Variants in GRM1 observed in about 807,000 individuals in gnomAD.
GRM1 encodes glutamate metabotropic receptor 1.
GRM1 carries 33 observed loss-of-function variants against 90.9 expected under a neutral mutation model. That is an observed-to-expected ratio of 0.36 (90% confidence interval 0.28 to 0.49). GRM1 has a LOEUF of 0.49. Among genes scored for constraint, GRM1 ranks in the 20% least tolerant of loss-of-function variants. The pLI, the probability that GRM1 is intolerant of heterozygous loss-of-function variation, is 0.99. For synonymous variants in GRM1, 700 were observed against 613.2 expected (o/e 1.14, Z -2.09); for missense variants, 1,190 against 1,534.3 (o/e 0.78, Z 3.75).
At chr6:146,185,750 T>A (rs1050955044) in intron 2 of GRM1, among the ~76,000 whole-genome samples, 2 of 152,174 alleles carry the variant, frequency 1.3e-5, no homozygotes, top group Non-Finnish European at 2.9e-5. Flanking sequence ...CCACAGTTCT[T>A]AAAATACATT....
At chr6:146,253,055 T>C (rs1361171812) in intron 2 of GRM1, among the ~76,000 whole-genome samples, 1 of 136,508 alleles carries the variant, frequency 7.3e-6, no homozygotes, top group African/African-American at 3.6e-5. Context: ...CGAATCTCCA[T>C]CTCAAAAAAA....
chr6:146,342,759 G>A (rs1785028264), intron 3 of GRM1, among the ~76,000 whole-genome samples: 1 of 152,196 alleles, frequency 6.6e-6, no homozygotes, highest in Non-Finnish European at 1.5e-5. Context: ...TCAGATGTTA[G>A]ACTAGTTCTT....
At chr6:146,201,739 G>A (rs540240028) in intron 2 of GRM1, among the ~76,000 whole-genome samples, 1 of 152,328 alleles carries the variant, frequency 6.6e-6, no homozygotes, top group African/African-American at 2.4e-5. Flanking sequence ...ATTTGAGACA[G>A]GCACTCTTAT....
At chr6:146,192,451 T>C (rs973971943) in intron 2 of GRM1, among the ~76,000 whole-genome samples, 4 of 152,190 alleles carry the variant, frequency 2.6e-5, no homozygotes, top group Non-Finnish European at 5.9e-5. Context: ...GTTCCTCATA[T>C]GTCAATTAGG....
chr6:146,256,479 T>C (rs1583230135), intron 2 of GRM1, among the ~76,000 whole-genome samples: 2 of 152,118 alleles, frequency 1.3e-5, no homozygotes, highest in East Asian at 3.9e-4. Flanking sequence ...TCCTTCCATC[T>C]TCCTTTTTCT....
At chr6:146,405,816 T>C (rs957751693) in intron 7 of GRM1, among the ~76,000 whole-genome samples, 1 of 152,144 alleles carries the variant, frequency 6.6e-6, no homozygotes, top group Non-Finnish European at 1.5e-5. Context: ...ACATTCTCTA[T>C]TAGGGCTTCA....
At chr6:146,402,957 G>A (rs1160052651) in intron 7 of GRM1, among the ~76,000 whole-genome samples, 2 of 152,030 alleles carry the variant, frequency 1.3e-5, no homozygotes, top group African/African-American at 4.8e-5. Flanking sequence ...GTCCCTTCAG[G>A]CATACTTGTA....
intron 1 of GRM1, among the ~76,000 whole-genome samples, chr6:146,103,881 A>G (rs1019349710): frequency 6.6e-6 from 1 of 152,168 alleles, no homozygotes; most frequent in African/African-American, 2.4e-5. Context: ...GGATTGCACA[A>G]TGCGCTTAGG....
chr6:146,358,438 G>A (rs1170664398), intron 5 of GRM1, among the ~76,000 whole-genome samples: 2 of 152,180 alleles, frequency 1.3e-5, no homozygotes, highest in African/African-American at 2.4e-5. Context: ...ATTGTGAATG[G>A]CAGGGTATGG....
rs1387338195 is a variant in GRM1 at position 146,119,249 on chromosome 6, G to A, written c.701-40099G>A. Among the ~76,000 whole-genome samples, 6 of 152,326 alleles carry A rather than the reference G, an allele frequency of 3.9e-5. No homozygotes were observed. The East Asian group carries it at 1.2e-3, about 29-fold the overall frequency. ...CTGCATAAATGTCTTCTTTTGAGAAGTGTCTGTTCATATCCTTTGCCCACT... is the reference window on the plus strand; with the variant it reads ...CTGCATAAATGTCTTCTTTTGAGAAATGTCTGTTCATATCCTTTGCCCACT... On this transcript the variant is annotated intron_variant, in intron 1 of 7. Coordinates refer to ENST00000282753, the MANE Select transcript of GRM1 (RefSeq NM_001278064.2).
At position 146,423,886 on chromosome 6, in the gene GRM1, C is replaced by T. The variant is rs1317809230; in HGVS notation, c.2661-9986C>T. Among the ~76,000 whole-genome samples, 4 of 152,178 alleles carry T rather than the reference C, an allele frequency of 2.6e-5. No individual in the cohort carries two copies. In the South Asian group the frequency reaches 6.2e-4, roughly 24 times the overall value. Reference sequence around the variant, plus strand: ...CAGAGGTAAAGTGTTAAAGGTACTACATTATAAAGCCACAGCTTCTCTTGA... The same window carrying T: ...CAGAGGTAAAGTGTTAAAGGTACTATATTATAAAGCCACAGCTTCTCTTGA... On this transcript the variant is annotated intron_variant, in intron 7 of 7. Coordinates refer to ENST00000282753, the MANE Select transcript of GRM1 (RefSeq NM_001278064.2).
chr6:146,294,563 C>A (rs1202720246), intron 2 of GRM1, among the ~76,000 whole-genome samples: 1 of 152,088 alleles, frequency 6.6e-6, no homozygotes, highest in African/African-American at 2.4e-5. Flanking sequence ...TATACATGTT[C>A]ATTAGACCAA....
chr6:146,031,268 A>T (rs1370632611), intron 1 of GRM1, among the ~76,000 whole-genome samples: 3 of 152,320 alleles, frequency 2.0e-5, no homozygotes, highest in African/African-American at 7.2e-5. Context: ...TTATAAATTA[A>T]CATCTAGGAC....
At chr6:146,190,521 C>T (rs981635892) in intron 2 of GRM1, among the ~76,000 whole-genome samples, 6 of 151,930 alleles carry the variant, frequency 3.9e-5, no homozygotes, top group African/African-American at 9.7e-5. Flanking sequence ...TTGGCCAACA[C>T]GAATTCAGGA....
chr6:146,133,426 CA>C (rs1439615793), intron 1 of GRM1, among the ~76,000 whole-genome samples: 1 of 152,174 alleles, frequency 6.6e-6, no homozygotes, highest in Admixed American at 6.5e-5. Flanking sequence ...TACACAAGGA[CA>C]GGGGAAAAGA....
In GRM1 at chr6:146,223,128, C is replaced by A. The variant is rs567142919; in HGVS notation, c.950+63531C>A. ...CAACTTACAGCTGGCTCTACTATGG[C>A]CAAACAGTAGAGAGATGCCAATACT... On this transcript the variant is annotated intron_variant, in intron 2 of 7. Coordinates refer to ENST00000282753, the MANE Select transcript of GRM1 (RefSeq NM_001278064.2). Among the ~76,000 whole-genome samples the A allele has an allele frequency of 1.3e-5, 2 of 151,884 alleles. 1 individual carries two copies. The highest frequency in any genetic ancestry group is 4.2e-4 in the South Asian group (2 of 4,790).
At chr6:146,137,606 A>AT (rs529697417) in intron 1 of GRM1, among the ~76,000 whole-genome samples, 32 of 151,828 alleles carry the variant, frequency 2.1e-4, no homozygotes, top group African/African-American at 6.0e-4. Flanking sequence ...TGATTCCTCA[A>AT]TTTTTTTTCC....
At chr6:146,060,498 A>G (rs923221049) in intron 1 of GRM1, among the ~76,000 whole-genome samples, 3 of 152,166 alleles carry the variant, frequency 2.0e-5, no homozygotes, top group Admixed American at 6.5e-5. Flanking sequence ...AGAACATGTG[A>G]CATTTGGTTT....
chr6:146,395,919 G>A (rs573519365), intron 6 of GRM1, among the ~76,000 whole-genome samples: 2 of 152,212 alleles, frequency 1.3e-5, no homozygotes, highest in African/African-American at 4.8e-5. Flanking sequence ...TTTGCAGGAT[G>A]ACAGCTAAAG....
Sources: gnomAD v4.1 joint callset for allele counts (sites outside exome capture counted in the v4.1 genomes callset) on GRCh38, gnomAD v4.1.1 for gene constraint, MANE v1.5 for transcripts, NCBI Gene and HGNC (gene_info 2026-07-23, HGNC 2026-07-21) for gene names.